ADAM23: variants seen among roughly 807,000 people sequenced by gnomAD.
ADAM23 encodes disintegrin and metalloproteinase domain-containing protein 23.
A neutral mutation model predicts 120.1 loss-of-function variants in ADAM23; 33 were observed. The observed-to-expected ratio is 0.27, with a 90% CI of 0.21 to 0.37. The LOEUF is 0.37. ADAM23 is among the 10% of genes least tolerant of loss of function. The pLI is 1.00. For missense variants in ADAM23, 862 were observed against 1,058.2 expected (o/e 0.81, Z 2.57); for synonymous variants, 367 against 375.2 (o/e 0.98, Z 0.25).
At chr2:206,490,704 C>G (rs777709821) in intron 3 of ADAM23, among the ~76,000 whole-genome samples, 6 of 152,116 alleles carry the variant, frequency 3.9e-5, no homozygotes, top group Non-Finnish European at 7.3e-5. Context: ...GGATTTTTCT[C>G]TCCTGAAGCC....
chr2:206,450,408 T>C (rs928121981), intron 2 of ADAM23, among the ~76,000 whole-genome samples: 7 of 152,214 alleles, frequency 4.6e-5, no homozygotes, highest in African/African-American at 1.4e-4. Flanking sequence ...ATTTTACTTG[T>C]AATGCTTGGC....
intron 24 of ADAM23, among the ~76,000 whole-genome samples, chr2:206,597,188 T>TC (rs1698544116): frequency 6.7e-6 from 1 of 148,532 alleles, no homozygotes; most frequent in South Asian, 2.2e-4. Context: ...CTTTTTTTTT[T>TC]TTTTTTTTTG....
chr2:206,609,800 C>T (rs1698794386), intron 24 of ADAM23, 110 bp from the exon 25 acceptor site: 1 of 805,054 alleles, frequency 1.2e-6, no homozygotes, highest in African/African-American at 1.8e-5. Flanking sequence ...AAATGTTTAG[C>T]CGTCTTTTAC....
intron 18 of ADAM23, 28 bp from the exon 19 acceptor site, chr2:206,587,297 T>C (rs1698341432): frequency 6.4e-7 from 1 of 1,563,856 alleles, no homozygotes; most frequent in Non-Finnish European, 8.8e-7. Flanking sequence ...GCATGCTGAA[T>C]ATTAACTAAA....
At chr2:206,530,256 G>A (rs1015153150) in intron 3 of ADAM23, among the ~76,000 whole-genome samples, 2 of 152,188 alleles carry the variant, frequency 1.3e-5, no homozygotes, top group Admixed American at 1.3e-4. Context: ...ACTGCCCGTG[G>A]CTGCTTTTGC....
At chr2:206,588,282 G>T (rs1698361674) in intron 20 of ADAM23, 128 bp downstream of exon 20, 6 of 972,316 alleles carry the variant, frequency 6.2e-6, no homozygotes, top group East Asian at 2.7e-5. Flanking sequence ...GAAAGGATGA[G>T]AATAAAGAGA....
chr2:206,599,349 TA>T (rs1264855007), intron 24 of ADAM23, among the ~76,000 whole-genome samples: 1 of 152,200 alleles, frequency 6.6e-6, no homozygotes, highest in Non-Finnish European at 1.5e-5. Context: ...GAATCTCTAA[TA>T]ATTTTGATTA....
At chr2:206,462,420 C>G (rs1695442959) in intron 2 of ADAM23, among the ~76,000 whole-genome samples, 1 of 152,332 alleles carries the variant, frequency 6.6e-6, no homozygotes, top group South Asian at 2.1e-4. Context: ...AACCTAAGTA[C>G]TATCTTTTGT....
chr2:206,531,628 C>T (rs1697064509), intron 4 of ADAM23, among the ~76,000 whole-genome samples: 1 of 152,140 alleles, frequency 6.6e-6, no homozygotes, highest in East Asian at 1.9e-4. Context: ...ACAGTGACCT[C>T]CGTCAGTCAG....
At chr2:206,508,056 G>T (rs1009971134) in intron 3 of ADAM23, among the ~76,000 whole-genome samples, 2 of 151,920 alleles carry the variant, frequency 1.3e-5, no homozygotes, top group Non-Finnish European at 1.5e-5. Context: ...TTGAGACGGA[G>T]TCTCGCTCTG....
chr2:206,543,148 G>A, intron 5 of ADAM23, 105 bp from the exon 6 acceptor site: 1 of 994,010 alleles, frequency 1.0e-6, no homozygotes, highest in Non-Finnish European at 1.6e-6. Context: ...GATTTGTTCA[G>A]TTATACTCTT....
At chr2:206,488,230 C>T (rs1574493225) in intron 3 of ADAM23, among the ~76,000 whole-genome samples, 1 of 152,310 alleles carries the variant, frequency 6.6e-6, no homozygotes, top group Non-Finnish European at 1.5e-5. Context: ...TTGCGTAAGA[C>T]ACTGTGCTGA....
chr2:206,592,824 A>G, intron 22 of ADAM23, 88 bp downstream of exon 22: 1 of 1,478,800 alleles, frequency 6.8e-7, no homozygotes, highest in Non-Finnish European at 9.2e-7. Flanking sequence ...GAAATCAAAG[A>G]TTTTTCTAGT....
At chr2:206,544,360 A>G (rs1197162965) in intron 6 of ADAM23, among the ~76,000 whole-genome samples, 1 of 152,206 alleles carries the variant, frequency 6.6e-6, no homozygotes, top group South Asian at 2.1e-4. Flanking sequence ...GTTGCTTGCT[A>G]ATAGAATGCA....
intron 3 of ADAM23, among the ~76,000 whole-genome samples, chr2:206,505,841 T>C (rs1000421426): frequency 2.6e-5 from 4 of 152,156 alleles, no homozygotes; most frequent in African/African-American, 9.7e-5. Flanking sequence ...TATAGTTGAT[T>C]TCATCTGCAT....
intron 20 of ADAM23, among the ~76,000 whole-genome samples, chr2:206,588,535 T>TA (rs1341965703): frequency 6.6e-6 from 1 of 152,254 alleles, no homozygotes; most frequent in Admixed American, 6.5e-5. Flanking sequence ...TTCTGGTTTT[T>TA]ACCGCAGGAA....
intron 2 of ADAM23, among the ~76,000 whole-genome samples, chr2:206,447,382 G>A (rs1400428591): frequency 2.0e-5 from 3 of 152,182 alleles, no homozygotes; most frequent in South Asian, 2.1e-4. Context: ...GGTATGCTAA[G>A]TATTCAAAGA....
intron 9 of ADAM23, among the ~76,000 whole-genome samples, chr2:206,553,224 AAT>A (rs1389086162): frequency 1.3e-5 from 2 of 152,056 alleles, no homozygotes; most frequent in Non-Finnish European, 2.9e-5. Flanking sequence ...CTAAAATATA[AAT>A]ATATATATAC....
At chr2:206,477,893 A>ATATAT (rs1199167461) in intron 2 of ADAM23, among the ~76,000 whole-genome samples, 121 of 101,374 alleles carry the variant, frequency 1.2e-3, no homozygotes, top group South Asian at 4.2e-3. Context: ...AAAAAAAAAA[A>ATATAT]AAAAATATAT....
Sources: gnomAD v4.1 joint callset for allele counts (sites outside exome capture counted in the v4.1 genomes callset) on GRCh38, gnomAD v4.1.1 for gene constraint, MANE v1.5 for transcripts, NCBI Gene and HGNC (gene_info 2026-07-23, HGNC 2026-07-21) for gene names.